Variants in GPC6 observed in about 807,000 individuals in gnomAD.
GPC6 encodes glypican-6.
In GPC6, 14 loss-of-function variants were observed where a neutral mutation model predicts 55.2. The ratio of observed to expected loss-of-function variants is 0.25; its 90% CI spans 0.17 to 0.40. The LOEUF (loss-of-function observed/expected upper bound fraction) is 0.40, where lower values mean the gene tolerates loss of function less well. GPC6 is among the 10% of genes least tolerant of loss of function. GPC6 has a pLI of 1.00. For missense variants in GPC6, 641 were observed against 708.5 expected, an observed-to-expected ratio of 0.90 and a Z score of 1.08; for synonymous variants, 278 against 259.6, an observed-to-expected ratio of 1.07 and a Z score of -0.68.
At chr13:94,360,035 A>C (rs1878984589) in intron 6 of GPC6, among the ~76,000 whole-genome samples, 1 of 152,240 alleles carries the variant, frequency 6.6e-6, no homozygotes, top group South Asian at 2.1e-4. Flanking sequence ...AGACCATTAA[A>C]TATGTAGGGC....
At chr13:93,362,809 T>C (rs894306438) in intron 1 of GPC6, among the ~76,000 whole-genome samples, 2 of 152,322 alleles carry the variant, frequency 1.3e-5, no homozygotes, top group South Asian at 2.1e-4. Context: ...AATAAATGTT[T>C]CTTAAAGGAG....
At chr13:94,143,132 TGGC>T (rs1887444242) in intron 4 of GPC6, among the ~76,000 whole-genome samples, 1 of 101,498 alleles carries the variant, frequency 9.9e-6, no homozygotes, top group Admixed American at 9.5e-5. Flanking sequence ...GCCAGATGGC[TGGC>T]TACCTTTTAA....
chr13:94,144,795 C>A (rs1400687607), intron 4 of GPC6, among the ~76,000 whole-genome samples: 2 of 151,764 alleles, frequency 1.3e-5, no homozygotes. Flanking sequence ...TTCTTACTGC[C>A]TGGAATAAGA....
chr13:94,402,552 A>T (rs1881188160), intron 8 of GPC6, among the ~76,000 whole-genome samples: 1 of 152,096 alleles, frequency 6.6e-6, no homozygotes, highest in South Asian at 2.1e-4. Flanking sequence ...GCCTCCCACC[A>T]CCATGCCCCA....
At chr13:94,265,946 C>A (rs1455402791) in intron 4 of GPC6, among the ~76,000 whole-genome samples, 1 of 152,090 alleles carries the variant, frequency 6.6e-6, no homozygotes, top group African/African-American at 2.4e-5. Context: ...AGGCAATAGT[C>A]ACTCCTTTTC....
chr13:93,460,140 C>T (rs963185315), intron 1 of GPC6, among the ~76,000 whole-genome samples: 8 of 152,202 alleles, frequency 5.3e-5, no homozygotes, highest in Non-Finnish European at 8.8e-5. Flanking sequence ...TTTGCTTCTA[C>T]TCATTTAAAG....
At chr13:94,154,256 C>T (rs1043055737) in intron 4 of GPC6, 4 of 39,866 alleles carry the variant, frequency 1.0e-4, no homozygotes, top group Non-Finnish European at 2.6e-4. Flanking sequence ...CTCTGCTCTT[C>T]AGGATTATTT....
chr13:93,457,821 G>A (rs1878520022), intron 1 of GPC6, among the ~76,000 whole-genome samples: 1 of 147,690 alleles, frequency 6.8e-6, no homozygotes, highest in South Asian at 2.2e-4. Context: ...CCATGTATCT[G>A]TCGATCAATA....
chr13:93,440,123 A>G (rs1194159970), intron 1 of GPC6, among the ~76,000 whole-genome samples: 1 of 152,206 alleles, frequency 6.6e-6, no homozygotes, highest in Non-Finnish European at 1.5e-5. Flanking sequence ...TTATGGCCAT[A>G]TAATATCTTG....
intron 4 of GPC6, among the ~76,000 whole-genome samples, chr13:94,225,039 G>T (rs533984112): frequency 3.9e-4 from 60 of 152,092 alleles, no homozygotes; most frequent in Admixed American, 7.2e-4. Flanking sequence ...GGACACAATG[G>T]TTTTGGCACC....
chr13:93,313,103 TA>T (rs1879129000), intron 1 of GPC6, among the ~76,000 whole-genome samples: 1 of 152,128 alleles, frequency 6.6e-6, no homozygotes, highest in Non-Finnish European at 1.5e-5. Flanking sequence ...TAGACCTAAG[TA>T]AATATAATTC....
chr13:93,755,198 C>T (rs909499497), intron 2 of GPC6, among the ~76,000 whole-genome samples: 1 of 152,140 alleles, frequency 6.6e-6, no homozygotes, highest in African/African-American at 2.4e-5. Context: ...TTAGGACCCA[C>T]CACAATGTAG....
At chr13:93,746,996 T>TTCTGCTG (rs1884420235) in intron 2 of GPC6, among the ~76,000 whole-genome samples, 1 of 152,182 alleles carries the variant, frequency 6.6e-6, no homozygotes, top group Non-Finnish European at 1.5e-5. Flanking sequence ...TTAATAAATA[T>TTCTGCTG]TCTGCTATTA....
At chr13:93,266,132 C>T (rs1877316925) in intron 1 of GPC6, among the ~76,000 whole-genome samples, 1 of 152,122 alleles carries the variant, frequency 6.6e-6, no homozygotes, top group Admixed American at 6.5e-5. Flanking sequence ...TTTACACTGT[C>T]TGATTTCCAA....
intron 2 of GPC6, among the ~76,000 whole-genome samples, chr13:93,800,853 A>G (rs1170126362): frequency 6.6e-6 from 1 of 152,208 alleles, no homozygotes; most frequent in Non-Finnish European, 1.5e-5. Context: ...ACATTTCCCA[A>G]TATTATGGAA....
chr13:93,228,443 C>T (rs570351164), intron 1 of GPC6, among the ~76,000 whole-genome samples: 1 of 152,292 alleles, frequency 6.6e-6, no homozygotes, highest in South Asian at 2.1e-4. Context: ...CCGTGTCCCC[C>T]GCATGCCCGG....
intron 4 of GPC6, among the ~76,000 whole-genome samples, chr13:94,051,600 A>G (rs1053687186): frequency 2.0e-5 from 3 of 152,184 alleles, no homozygotes; most frequent in Non-Finnish European, 4.4e-5. Flanking sequence ...GTATAATAGC[A>G]TATATAATGG....
intron 1 of GPC6, among the ~76,000 whole-genome samples, chr13:93,544,004 A>T (rs1882437480): frequency 6.6e-6 from 1 of 151,366 alleles, no homozygotes; most frequent in Non-Finnish European, 1.5e-5. Context: ...AACCATCCTA[A>T]CTGGGGTGAG....
chr13:94,090,381 T>G (rs1885437031), intron 4 of GPC6, among the ~76,000 whole-genome samples: 1 of 152,138 alleles, frequency 6.6e-6, no homozygotes, highest in African/African-American at 2.4e-5. Context: ...AACCATATCA[T>G]TATCATTTCT....
Sources: allele counts gnomAD v4.1 joint callset (sites outside exome capture counted in the v4.1 genomes callset), GRCh38; gene constraint gnomAD v4.1.1; transcripts MANE v1.5; gene names NCBI Gene and HGNC (gene_info 2026-07-23, HGNC 2026-07-21).